The following BLMH variants were observed in gnomAD, a reference collection of about 807,000 sequenced individuals.
The protein encoded by BLMH is BLM hydrolase.
BLMH carries 32 observed loss-of-function variants against 61.6 expected under a neutral mutation model. That is an observed-to-expected ratio of 0.52 (90% CI 0.39 to 0.70). BLMH has a LOEUF of 0.70. Among genes scored for constraint, BLMH ranks in the 30% least tolerant of loss-of-function variants. The pLI is 0.00. For missense variants in BLMH, 460 were observed against 555.5 expected (o/e 0.83, Z 1.73); for synonymous variants, 183 against 193.8 (o/e 0.94, Z 0.46).
At chr17:30,282,119 T>C (rs1908607050) in intron 6 of BLMH, among the ~76,000 whole-genome samples, 1 of 152,072 alleles carries the variant, frequency 6.6e-6, no homozygotes, top group Admixed American at 6.6e-5. Flanking sequence ...CTTGAACTCC[T>C]GGGTTTCTGG....
At chr17:30,279,124 C>T (rs1429385893) in intron 6 of BLMH, among the ~76,000 whole-genome samples, 4 of 152,230 alleles carry the variant, frequency 2.6e-5, no homozygotes, top group Non-Finnish European at 5.9e-5. Flanking sequence ...TGCTTTTCCT[C>T]AACTCCTCAA....
chr17:30,288,263 G>A (rs1011448244), intron 3 of BLMH: 2 of 254,310 alleles, frequency 7.9e-6, no homozygotes. Flanking sequence ...TCTTTTACCT[G>A]TGTATGTATC....
intron 2 of BLMH, among the ~76,000 whole-genome samples, chr17:30,290,515 T>G (rs1044118682): frequency 3.3e-5 from 5 of 152,218 alleles, no homozygotes; most frequent in Non-Finnish European, 5.9e-5. Context: ...TACAATAAAA[T>G]GTACTCACGT....
intron 10 of BLMH, among the ~76,000 whole-genome samples, chr17:30,269,937 C>G (rs974961594): frequency 6.6e-6 from 1 of 152,070 alleles, no homozygotes; most frequent in Admixed American, 6.6e-5. Context: ...ACCTTTAAGA[C>G]CAAGTTTTGA....
chr17:30,262,802 CAAAAA>C (rs1907997101), intron 11 of BLMH, among the ~76,000 whole-genome samples: 1 of 151,972 alleles, frequency 6.6e-6, no homozygotes, highest in Non-Finnish European at 1.5e-5. Flanking sequence ...CTCAAAAAAG[CAAAAA>C]CAAAACAAAA....
At position 30,272,822 on chromosome 17, in the gene BLMH, A is replaced by G. The variant is rs746108098; in HGVS notation, c.879T>C (p.Val293=). ...LYTVEYLSNM[V]GGRKTLYNNQ... The stretch of plus-strand genomic sequence containing the variant: ...TGTTGTATAGAGTTTTTCTCCCTCC[A>G]ACCATATTGCTTAAGTATTCCACTG... Residue 293 remains valine, a synonymous_variant, in exon 8 of 12, where the codon GTT becomes GTC. Transcript: ENST00000261714. 6.2e-7 allele frequency: 1 copy of G among 1,614,158 alleles called. No individual in the cohort carries two copies. Among genetic ancestry groups the G allele is most frequent in the Non-Finnish European group, 8.5e-7 (1 of 1,180,028 alleles).
chr17:30,273,984 T>C (rs1011495117), intron 7 of BLMH, 58 bp downstream of exon 7: 10 of 1,584,554 alleles, frequency 6.3e-6, no homozygotes, highest in East Asian at 2.2e-5. Context: ...TACAATTCCC[T>C]GTGGTTAACA....
At chr17:30,258,777 T>C (rs887590162) in intron 11 of BLMH, among the ~76,000 whole-genome samples, 6 of 152,208 alleles carry the variant, frequency 3.9e-5, no homozygotes, top group Non-Finnish European at 8.8e-5. Flanking sequence ...GTTTTCCCAC[T>C]GAAACTCAAT....
chr17:30,291,165 T>A lies in BLMH; in HGVS notation c.211+146A>T. ...AAACAAACCACATGGGTAATGTTCT[T>A]AGACCTGCCTGTACCTGTGCCTCAT... On this transcript the variant is annotated intron_variant, in intron 2 of 11. Coordinates refer to ENST00000261714, the MANE Select transcript of BLMH (RefSeq NM_000386.4). 3 of 1,015,326 alleles carry A rather than the reference T, an allele frequency of 3.0e-6. No individual in the cohort carries two copies. In the South Asian group the frequency reaches 4.8e-5, roughly 16 times the overall value. The allele number at this position is 1,015,326 out of a possible 1,614,324, so 62.9% of individuals were successfully genotyped here.
Position 30,269,827 on chromosome 17 carries a change from C to A in BLMH, c.1146+1444G>T, listed in dbSNP as rs577922687. ...AAGACTGCCTCTTAAGTTCAGGGCA[C>A]CTTTACACCATACTGTGTTTGATCT... On this transcript the variant is annotated intron_variant, in intron 10 of 11. Coordinates refer to ENST00000261714, the MANE Select transcript of BLMH (RefSeq NM_000386.4). 2.0e-5 allele frequency among the ~76,000 whole-genome samples: 3 copies of A among 152,286 alleles called. No homozygotes were observed. The South Asian group carries it at 6.2e-4, about 32-fold the overall frequency.
chr17:30,254,303 G>A (rs1907755376), intron 11 of BLMH, among the ~76,000 whole-genome samples: 1 of 152,166 alleles, frequency 6.6e-6, no homozygotes, highest in Non-Finnish European at 1.5e-5. Flanking sequence ...ATGGAACTAA[G>A]AAGCTGGACT....
intron 11 of BLMH, among the ~76,000 whole-genome samples, chr17:30,254,639 T>C (rs754104699): frequency 4.6e-5 from 7 of 152,184 alleles, no homozygotes; most frequent in Non-Finnish European, 8.8e-5. Flanking sequence ...TTTTATGCCA[T>C]GGGATAGATT....
At chr17:30,285,660 T>TCCA (rs1418048320) in intron 5 of BLMH, 180 bp from the exon 6 acceptor site, 1 of 456,124 alleles carries the variant, frequency 2.2e-6, no homozygotes, top group Non-Finnish European at 3.9e-6. Flanking sequence ...AAAAATGCTT[T>TCCA]CCATAAGGAG....
intron 9 of BLMH, chr17:30,271,595 G>A: frequency 4.8e-6 from 2 of 420,998 alleles, no homozygotes; most frequent in Non-Finnish European, 8.5e-6. Context: ...ACAAGAGTAT[G>A]CAGGAAAAAA....
chr17:30,274,839 C>T (rs1016535179), intron 6 of BLMH, among the ~76,000 whole-genome samples: 4 of 151,850 alleles, frequency 2.6e-5, no homozygotes, highest in Non-Finnish European at 5.9e-5. Flanking sequence ...ATTAGCTGGA[C>T]GTGGTGGCTC....
At chr17:30,289,567 G>T in intron 2 of BLMH, 85 bp from the exon 3 acceptor site, 1 of 824,054 alleles carries the variant, frequency 1.2e-6, no homozygotes, top group Non-Finnish European at 1.8e-6. Flanking sequence ...ATGAACTCAT[G>T]ACACGATCTG....
intron 7 of BLMH, chr17:30,273,681 C>A: frequency 3.9e-6 from 1 of 258,434 alleles, no homozygotes; most frequent in Admixed American, 5.5e-5. Flanking sequence ...CAGGAGAGTT[C>A]CCCGAGGGGA....
chr17:30,270,127 T>C (rs1908226857), intron 10 of BLMH, among the ~76,000 whole-genome samples: 1 of 152,228 alleles, frequency 6.6e-6, no homozygotes, highest in African/African-American at 2.4e-5. Context: ...AAATGTGGCA[T>C]AATGATATGC....
chr17:30,286,273 C>T (rs1414812778), intron 5 of BLMH, among the ~76,000 whole-genome samples: 4 of 152,210 alleles, frequency 2.6e-5, no homozygotes, highest in Non-Finnish European at 5.9e-5. Flanking sequence ...AATTATAACT[C>T]TCCTAGGGAA....
Sources: gnomAD v4.1 joint callset for allele counts (sites outside exome capture counted in the v4.1 genomes callset) on GRCh38, gnomAD v4.1.1 for gene constraint, MANE v1.5 for transcripts, NCBI Gene and HGNC (gene_info 2026-07-23, HGNC 2026-07-21) for gene names.